Variants in MTHFD1L observed in about 807,000 individuals in gnomAD.
MTHFD1L encodes the protein monofunctional C1-tetrahydrofolate synthase, mitochondrial.
In MTHFD1L, 81 loss-of-function variants were observed where a neutral mutation model predicts 119.5. The observed-to-expected ratio is 0.68, with a 90% CI of 0.57 to 0.82. The LOEUF (loss-of-function observed/expected upper bound fraction) is 0.82, where lower values mean the gene tolerates loss of function less well. Ranked by LOEUF, MTHFD1L falls within the 40% of genes least tolerant of loss-of-function variation. The pLI, the probability that MTHFD1L is intolerant of heterozygous loss-of-function variation, is 0.00. For synonymous variants in MTHFD1L, 430 were observed against 475.2 expected (o/e 0.90, Z 1.24); for missense variants, 1,125 against 1,253.4 (o/e 0.90, Z 1.55).
At chr6:150,907,530 G>A (rs775779530) in intron 8 of MTHFD1L, among the ~76,000 whole-genome samples, 4 of 152,176 alleles carry the variant, frequency 2.6e-5, no homozygotes, top group Non-Finnish European at 5.9e-5. Flanking sequence ...AAAAATGCTG[G>A]CAGCACAGTA....
chr6:150,915,287 T>C (rs556143029), intron 8 of MTHFD1L, among the ~76,000 whole-genome samples: 1 of 152,194 alleles, frequency 6.6e-6, no homozygotes, highest in East Asian at 1.9e-4. Context: ...TCAGCTATCA[T>C]AGTGTTAGTG....
chr6:150,957,139 C>T (rs1795766707), intron 17 of MTHFD1L, among the ~76,000 whole-genome samples: 1 of 152,170 alleles, frequency 6.6e-6, no homozygotes, highest in South Asian at 2.1e-4. Flanking sequence ...AGGTTATTCC[C>T]CTTTTTATTT....
chr6:150,913,676 G>A (rs1343498768), intron 8 of MTHFD1L, among the ~76,000 whole-genome samples: 5 of 152,090 alleles, frequency 3.3e-5, no homozygotes, highest in Non-Finnish European at 5.9e-5. Context: ...AAGAGAGTGT[G>A]GGTTTTAAGT....
intron 26 of MTHFD1L, among the ~76,000 whole-genome samples, chr6:151,045,253 C>A (rs897927398): frequency 2.0e-5 from 3 of 152,152 alleles, no homozygotes; most frequent in East Asian, 1.9e-4. Context: ...CATTCACCCC[C>A]CCGCCAAGCT....
intron 13 of MTHFD1L, among the ~76,000 whole-genome samples, chr6:150,940,457 G>A (rs1011978895): frequency 1.1e-4 from 17 of 152,176 alleles, no homozygotes; most frequent in African/African-American, 4.1e-4. Flanking sequence ...CAAATTAGAG[G>A]TGGTGTACAA....
At chr6:150,901,060 C>T (rs1016906656) in intron 7 of MTHFD1L, among the ~76,000 whole-genome samples, 2 of 151,944 alleles carry the variant, frequency 1.3e-5, no homozygotes, top group African/African-American at 4.8e-5. Flanking sequence ...ATTTTGACAT[C>T]TGAGAAAAGT....
In MTHFD1L at chr6:150,944,515, C is replaced by T. The variant is rs140272082; in HGVS notation, c.1470C>T (p.His490=). ...EFNLHLTGDI[H]AITAANNLLA... ...ACCTTCACTTGACTGGAGACATCCA[C>T]GCCATCACCGCTGCCAATAACTTGC... The change falls in exon 14 of 28, where the codon CAC becomes CAT. Residue 490 remains histidine, a synonymous_variant. Coordinates refer to ENST00000367321, the MANE Select transcript of MTHFD1L (RefSeq NM_015440.5). 26 of 1,613,770 alleles carry T rather than the reference C, an allele frequency of 1.6e-5. No homozygotes were observed. Among genetic ancestry groups the T allele is most frequent in the Admixed American group, 1.0e-4 (6 of 59,990 alleles).
chr6:151,041,806 T>C (rs1983750), intron 26 of MTHFD1L: 380,915 of 531,728 alleles, frequency 0.72, 138,328 homozygotes, highest in Non-Finnish European at 0.74. Flanking sequence ...CTGGCTCTAG[T>C]TGGAGAATCC....
chr6:151,090,114 T>C (rs1189826883), intron 26 of MTHFD1L, among the ~76,000 whole-genome samples: 1 of 152,200 alleles, frequency 6.6e-6, no homozygotes, highest in African/African-American at 2.4e-5. Flanking sequence ...CACAATGTTT[T>C]ATGTGTTCCC....
chr6:151,031,353 C>G (rs1348852990), intron 24 of MTHFD1L, among the ~76,000 whole-genome samples: 1 of 152,210 alleles, frequency 6.6e-6, no homozygotes, highest in Non-Finnish European at 1.5e-5. Context: ...ACTCGGGCTC[C>G]ATTCACACAC....
At chr6:150,937,175 G>A (rs2073188) in intron 12 of MTHFD1L, among the ~76,000 whole-genome samples, 14,787 of 151,546 alleles carry the variant, frequency 0.098, 1,226 homozygotes, top group East Asian at 0.49. Flanking sequence ...CTGGGGCTGC[G>A]TTGCTCAAGG....
At chr6:150,978,882 A>G (rs1478285657) in intron 20 of MTHFD1L, among the ~76,000 whole-genome samples, 1 of 152,126 alleles carries the variant, frequency 6.6e-6, no homozygotes, top group Non-Finnish European at 1.5e-5. Context: ...GTGGGTGATC[A>G]GGCGGCTATT....
Position 150,865,832 on chromosome 6 carries a change from C to T in MTHFD1L, c.10C>T (p.Arg4Cys). The T allele has an allele frequency of 7.9e-7, 1 of 1,266,834 alleles. No homozygotes were observed. Among genetic ancestry groups the T allele is most frequent in the Non-Finnish European group, 1.0e-6 (1 of 999,028 alleles). 78.5% of individuals were successfully genotyped at this position (1,266,834 alleles called of 1,614,324 possible). MGT[R>C]LPLVLRQLRR... ...CCAGCCGTCCCGCGCCATGGGCACG[C>T]GTCTGCCGCTCGTCCTGCGCCAGCT... Residue 4 changes from arginine (R) to cysteine (C), a missense_variant, in exon 1 of 28, where the codon CGT becomes TGT. Physicochemically the swap from Arg to Cys is radical, Grantham distance 180. Coordinates refer to ENST00000367321, the MANE Select transcript of MTHFD1L (RefSeq NM_015440.5).
At chr6:150,898,755 C>T in intron 7 of MTHFD1L, 1 of 305,406 alleles carries the variant, frequency 3.3e-6, no homozygotes. Flanking sequence ...CTGTTACCAC[C>T]CCCCATCTAC....
rs535491148 is a variant in MTHFD1L, at chr6:151,042,737, A to G, written c.2847+5620A>G. ...AAACAATATTATTGAGAAGTAAATT[A>G]CATTCCATGTAGAAAAAGACTAGAA... On this transcript the variant is annotated intron_variant, in intron 26 of 27. Transcript: ENST00000367321. Among the ~76,000 whole-genome samples, 11 of 152,396 alleles carry G rather than the reference A, an allele frequency of 7.2e-5. No homozygotes were observed. The East Asian group carries it at 2.1e-3, about 29-fold the overall frequency.
chr6:151,012,051 A>AAAAAAAAAAC (rs1782351135), intron 21 of MTHFD1L, among the ~76,000 whole-genome samples: 1 of 146,214 alleles, frequency 6.8e-6, no homozygotes, highest in Admixed American at 6.9e-5. Flanking sequence ...AAAAAAAAAA[A>AAAAAAAAAAC]CCAGCAGGGA....
chr6:150,988,450 T>C (rs1245775511), intron 20 of MTHFD1L, among the ~76,000 whole-genome samples: 1 of 152,226 alleles, frequency 6.6e-6, no homozygotes, highest in Non-Finnish European at 1.5e-5. Flanking sequence ...AATATTGTGC[T>C]GTTCTTACAC....
intron 8 of MTHFD1L, among the ~76,000 whole-genome samples, chr6:150,911,569 C>T (rs1244453220): frequency 6.6e-6 from 1 of 152,034 alleles, no homozygotes; most frequent in Non-Finnish European, 1.5e-5. Flanking sequence ...TCTGGAAGGC[C>T]TCAGGAAACT....
intron 26 of MTHFD1L, among the ~76,000 whole-genome samples, chr6:151,050,743 C>G (rs1295577007): frequency 6.6e-6 from 1 of 152,086 alleles, no homozygotes; most frequent in Non-Finnish European, 1.5e-5. Context: ...ACCCCATACA[C>G]ATTTGGTCAC....
Sources: gnomAD v4.1 joint callset for allele counts (sites outside exome capture counted in the v4.1 genomes callset) on GRCh38, gnomAD v4.1.1 for gene constraint, MANE v1.5 for transcripts, NCBI Gene and HGNC (gene_info 2026-07-23, HGNC 2026-07-21) for gene names.